CACNA2D2: variants seen among roughly 807,000 people sequenced by gnomAD.
The protein encoded by CACNA2D2 is calcium voltage-gated channel auxiliary subunit alpha2delta 2.
Under a neutral mutation model 166.4 loss-of-function variants are expected in CACNA2D2, and 48 were observed. That is an observed-to-expected ratio of 0.29 (90% CI 0.23 to 0.37). CACNA2D2 has a LOEUF of 0.37. Among genes scored for constraint, CACNA2D2 ranks in the 10% least tolerant of loss-of-function variants. The probability of loss-of-function intolerance (pLI) is 1.00; values close to 1 mark genes in which losing one functional copy is unlikely to be tolerated. For synonymous variants in CACNA2D2, 561 were observed against 573.7 expected (o/e 0.98, Z 0.32); for missense variants, 1,122 against 1,433.0 (o/e 0.78, Z 3.50).
intron 6 of CACNA2D2, among the ~76,000 whole-genome samples, chr3:50,383,908 G>A (rs1013693685): frequency 6.6e-5 from 10 of 152,204 alleles, no homozygotes; most frequent in Admixed American, 1.3e-4. Flanking sequence ...CTCTGTGTGC[G>A]TGCATTTGTG....
chr3:50,386,361 T>C (rs1043900217), intron 5 of CACNA2D2, among the ~76,000 whole-genome samples: 6 of 152,202 alleles, frequency 3.9e-5, no homozygotes, highest in Admixed American at 3.9e-4. Context: ...GGGCTTTGTA[T>C]GGTGGGCAAC....
At chr3:50,385,748 C>T (rs762903661) in intron 5 of CACNA2D2, among the ~76,000 whole-genome samples, 4 of 152,224 alleles carry the variant, frequency 2.6e-5, no homozygotes, top group South Asian at 2.1e-4. Context: ...CAGGCAGCCT[C>T]GGAGCATGGA....
chr3:50,479,547 A>AG (rs1356112261), intron 1 of CACNA2D2, among the ~76,000 whole-genome samples: 7 of 152,214 alleles, frequency 4.6e-5, no homozygotes, highest in African/African-American at 1.7e-4. Context: ...GCCACCTCCA[A>AG]GGGGTGACAC....
intron 22 of CACNA2D2, among the ~76,000 whole-genome samples, chr3:50,372,373 C>T (rs1246112661): frequency 1.3e-5 from 2 of 152,212 alleles, no homozygotes; most frequent in Non-Finnish European, 2.9e-5. Flanking sequence ...CAAGCCACCC[C>T]GGGGCTCAGC....
At chr3:50,456,694 T>A (rs1709373028) in intron 2 of CACNA2D2, among the ~76,000 whole-genome samples, 1 of 152,218 alleles carries the variant, frequency 6.6e-6, no homozygotes, top group Admixed American at 6.5e-5. Flanking sequence ...TCTGTCTACC[T>A]GCCCTCCTTT....
intron 2 of CACNA2D2, among the ~76,000 whole-genome samples, chr3:50,468,287 G>A (rs758337465): frequency 6.6e-6 from 1 of 152,116 alleles, no homozygotes; most frequent in Non-Finnish European, 1.5e-5. Context: ...TCAACAAGAT[G>A]CAAGGGCTGA....
intron 1 of CACNA2D2, among the ~76,000 whole-genome samples, chr3:50,485,181 C>G (rs1434804193): frequency 1.3e-5 from 2 of 152,184 alleles, no homozygotes; most frequent in African/African-American, 2.4e-5. Flanking sequence ...TCTCTGCCAC[C>G]CTGTCCCTAA....
At chr3:50,431,512 G>A (rs576056791) in intron 3 of CACNA2D2, among the ~76,000 whole-genome samples, 27 of 152,210 alleles carry the variant, frequency 1.8e-4, no homozygotes, top group African/African-American at 6.5e-4. Context: ...TTCAAATCTT[G>A]GCTCTGCCAT....
At position 50,381,093 on chromosome 3, in the gene CACNA2D2, T is replaced by G. The variant is rs1705286488; in HGVS notation, c.686A>C (p.Glu229Ala). 1.2e-6 allele frequency: 2 copies of G among 1,613,676 alleles called. No individual in the cohort carries two copies. The highest frequency in any genetic ancestry group is 1.7e-6 in the Non-Finnish European group (2 of 1,179,898). Residue 229 changes from glutamate (E) to alanine (A), a missense_variant, in exon 7 of 38, where the codon GAG (glutamate) becomes GCG (alanine). Coordinates refer to ENST00000424201, the MANE Select transcript of CACNA2D2 (RefSeq NM_006030.4). ...TTCCATGAACACATTCTCCAGGGCC[T>G]CTGTCCAGTTGAGCTCATTGAGGAT... ...TVILNELNWT[E>A]ALENVFMENR...
chr3:50,445,780 G>A (rs928173427), intron 2 of CACNA2D2, among the ~76,000 whole-genome samples: 1 of 152,114 alleles, frequency 6.6e-6, no homozygotes, highest in African/African-American at 2.4e-5. Context: ...TCCCATTTTG[G>A]ACCTGAAAAA....
At chr3:50,493,985 C>T (rs576246480) in intron 1 of CACNA2D2, among the ~76,000 whole-genome samples, 3 of 152,340 alleles carry the variant, frequency 2.0e-5, no homozygotes, top group African/African-American at 4.8e-5. Context: ...GGAGTCAGCC[C>T]AGGCAAGGCC....
intron 2 of CACNA2D2, among the ~76,000 whole-genome samples, chr3:50,454,143 C>T (rs981114231): frequency 6.6e-6 from 1 of 152,218 alleles, no homozygotes; most frequent in Non-Finnish European, 1.5e-5. Context: ...GCCACACAGG[C>T]GCACCCACAG....
In CACNA2D2 at chr3:50,380,556, G is replaced by A. The variant is rs894693135; in HGVS notation, c.842+192C>T. ...GGGTGGGGGTGCTGGGCAGTGGACG[G>A]GGGGCATGGCAGCTGGGAGGCCTGC... On this transcript the variant is annotated intron_variant, in intron 8 of 37. Transcript: ENST00000424201. This position sits in a 1 kb window ranked among gnomAD's most constrained non-coding sequence, Gnocchi z 4.9. Among the ~76,000 whole-genome samples the A allele has an allele frequency of 6.6e-6, 1 of 152,162 alleles. No individual in the cohort carries two copies. The highest frequency in any genetic ancestry group is 2.4e-5 in the African/African-American group (1 of 41,410).
Position 50,376,577 on chromosome 3 carries a change from C to T in CACNA2D2, c.1627-389G>A, listed in dbSNP as rs756565762. 2.9e-4 allele frequency among the ~76,000 whole-genome samples: 44 copies of T among 152,194 alleles called. No homozygotes were observed. Among genetic ancestry groups the T allele is most frequent in the African/African-American group, 5.1e-4 (21 of 41,438 alleles). ...GATTTGTGCCTCCTCCTTGTCCCCA[C>T]GTCAAGAGAGAGCAGCGGGACGAGT... On this transcript the variant is annotated intron_variant, in intron 17 of 37. Coordinates refer to ENST00000424201, the MANE Select transcript of CACNA2D2 (RefSeq NM_006030.4). This position sits in a 1 kb window ranked among gnomAD's most constrained non-coding sequence, Gnocchi z 4.3.
chr3:50,500,719 C>T (rs1363046659), intron 1 of CACNA2D2, among the ~76,000 whole-genome samples: 1 of 152,006 alleles, frequency 6.6e-6, no homozygotes, highest in Non-Finnish European at 1.5e-5. Flanking sequence ...AAACTCTGAT[C>T]CAGGTCCAGG....
At chr3:50,443,144 G>A (rs1011644624) in intron 2 of CACNA2D2, among the ~76,000 whole-genome samples, 4 of 152,230 alleles carry the variant, frequency 2.6e-5, no homozygotes, top group African/African-American at 7.2e-5. Context: ...GGGGGAGTGC[G>A]AGTAAACATA....
At chr3:50,381,278 G>T (rs1050955953) in intron 6 of CACNA2D2, 152 bp from the exon 7 acceptor site, 1 of 787,094 alleles carries the variant, frequency 1.3e-6, no homozygotes, top group Non-Finnish European at 2.1e-6. Flanking sequence ...CCCAGCTGGG[G>T]CTGCCCCAGC....
At chr3:50,440,651 G>A (rs1056507468) in intron 2 of CACNA2D2, among the ~76,000 whole-genome samples, 1 of 152,204 alleles carries the variant, frequency 6.6e-6, no homozygotes, top group African/African-American at 2.4e-5. Context: ...GAGCAGAGAG[G>A]AGGGTGCCTG....
At position 50,379,940 on chromosome 3, in the gene CACNA2D2, G is replaced by A. The variant is rs748391965; in HGVS notation, c.893+28C>T. On this transcript the variant is annotated intron_variant, in intron 9 of 37. Transcript: ENST00000424201. The surrounding 1 kb of genome is among the most constrained non-coding windows in gnomAD (Gnocchi z 6.5). ...TAGCCCATTGCCCGTCCCTGCCCCA[G>A]CCCCACTTGCCAGCACTGCTCACTC... is the stretch of plus-strand genomic sequence containing the variant. 2 of 1,613,948 alleles carry A rather than the reference G, an allele frequency of 1.2e-6. No homozygotes were observed. Among genetic ancestry groups the A allele is most frequent in the Admixed American group, 3.3e-5 (2 of 60,016 alleles).
Sources: gnomAD v4.1 joint callset for allele counts (sites outside exome capture counted in the v4.1 genomes callset) on GRCh38, gnomAD v4.1.1 for gene constraint, Gnocchi (gnomAD v3.1) non-coding constraint, MANE v1.5 for transcripts, NCBI Gene and HGNC (gene_info 2026-07-23, HGNC 2026-07-21) for gene names.